PCDHGA10: variants seen among roughly 807,000 people sequenced by gnomAD.
The protein encoded by PCDHGA10 is protocadherin gamma subfamily A, 10, also known as protocadherin gamma-A10.
Under a neutral mutation model 59.5 loss-of-function variants are expected in PCDHGA10, and 42 were observed. That is an observed-to-expected ratio of 0.71 (90% CI 0.55 to 0.91). The LOEUF (loss-of-function observed/expected upper bound fraction) is 0.91, where lower values mean the gene tolerates loss of function less well. PCDHGA10 is among the 40% of genes least tolerant of loss of function. The pLI is 0.00. For synonymous variants in PCDHGA10, 511 were observed against 517.2 expected (o/e 0.99, Z 0.16); for missense variants, 1,111 against 1,198.2 (o/e 0.93, Z 1.07).
intron 1 of PCDHGA10, among the ~76,000 whole-genome samples, chr5:141,460,104 T>C (rs2098982178): frequency 6.6e-6 from 1 of 151,986 alleles, no homozygotes; most frequent in African/African-American, 2.4e-5. Flanking sequence ...CATGTAATTA[T>C]ATATGATTTT....
Position 141,489,992 on chromosome 5 carries a change from TC to T in PCDHGA10, c.2437-4812del. The T allele has an allele frequency of 6.2e-7, 1 of 1,614,216 alleles. No individual in the cohort carries two copies. The highest frequency in any genetic ancestry group is 8.5e-7 in the Non-Finnish European group (1 of 1,180,016). On this transcript the variant is annotated intron_variant, in intron 1 of 3. Coordinates refer to ENST00000398610, the MANE Select transcript of PCDHGA10 (RefSeq NM_018913.3). The surrounding 1 kb of genome is among the most constrained non-coding windows in gnomAD (Gnocchi z 4.5). The stretch of plus-strand genomic sequence containing the variant: ...CAATCCTCAGTTCTACGTGTGGGAA[TC>T]CCAGAGAATGCACCCATTGGTACTC...
At chr5:141,496,021 G>A (rs1011612662) in intron 2 of PCDHGA10, among the ~76,000 whole-genome samples, 1 of 151,336 alleles carries the variant, frequency 6.6e-6, no homozygotes, top group Admixed American at 6.6e-5. Context: ...TTTTCTCTGA[G>A]CCTCTGTCTC....
At position 141,476,744 on chromosome 5, in the gene PCDHGA10, CT is replaced by C; in HGVS notation, c.2437-18062del. ...CCTGGACCGAGAACGGGAGCCTAGT[CT>C]CCAGTTAGTGCTGACGGCGTTGGAC... is the stretch of plus-strand genomic sequence containing the variant. On this transcript the variant is annotated intron_variant, in intron 1 of 3. Coordinates refer to ENST00000398610, the MANE Select transcript of PCDHGA10 (RefSeq NM_018913.3). The surrounding 1 kb of genome is among the most constrained non-coding windows in gnomAD (Gnocchi z 7.6). 6.2e-7 allele frequency: 1 copy of C among 1,614,046 alleles called. No homozygotes were observed. Among genetic ancestry groups the C allele is most frequent in the East Asian group, 2.2e-5 (1 of 44,884 alleles).
In PCDHGA10 at chr5:141,431,627, C is replaced by T. The variant is rs769351473; in HGVS notation, c.2436+16016C>T. 2.5e-6 allele frequency: 4 copies of T among 1,614,076 alleles called. No homozygotes were observed. The South Asian group carries it at 4.4e-5, about 18-fold the overall frequency. On this transcript the variant is annotated intron_variant, in intron 1 of 3. Coordinates refer to ENST00000398610, the MANE Select transcript of PCDHGA10 (RefSeq NM_018913.3). The surrounding 1 kb of genome is among the most constrained non-coding windows in gnomAD (Gnocchi z 4.8). Reference sequence around the variant, plus strand: ...CCGGTATGTGGACGACAAGGCGGCCCAAGTTTTCAAACTAGATTGTAATTC... The same window carrying T: ...CCGGTATGTGGACGACAAGGCGGCCTAAGTTTTCAAACTAGATTGTAATTC...
chr5:141,483,435 A>G (rs2099581280), intron 1 of PCDHGA10, among the ~76,000 whole-genome samples: 1 of 152,180 alleles, frequency 6.6e-6, no homozygotes, highest in Admixed American at 6.5e-5. Context: ...GGAGCTGACT[A>G]CAATAAAATC....
Position 141,436,164 on chromosome 5 carries a change from A to G in PCDHGA10, c.2436+20553A>G, listed in dbSNP as rs896845015. Among the ~76,000 whole-genome samples, 8 of 152,188 alleles carry G rather than the reference A, an allele frequency of 5.3e-5. No homozygotes were observed. The East Asian group carries it at 1.3e-3, about 26-fold the overall frequency. ...AACTACCAAAATGTTTATCATATGG[A>G]CAGTTCTCATATATAGTCAAATAGA... On this transcript the variant is annotated intron_variant, in intron 1 of 3. Transcript: ENST00000398610.
At chr5:141,500,360 T>C (rs1224064939) in intron 2 of PCDHGA10, among the ~76,000 whole-genome samples, 1 of 151,664 alleles carries the variant, frequency 6.6e-6, no homozygotes, top group Non-Finnish European at 1.5e-5. Context: ...AGGCGCCCAC[T>C]ACCACGCCCG....
intron 1 of PCDHGA10, among the ~76,000 whole-genome samples, chr5:141,460,961 A>G (rs113156768): frequency 0.11 from 16,010 of 144,518 alleles, 1,385 homozygotes; most frequent in African/African-American, 0.24. Context: ...GTATATATAT[A>G]TGTGTGTGTG....
chr5:141,505,494 A>G lies in PCDHGA10; in HGVS notation c.2584+13A>G. ...GCGTCCGCCAGTGGTAAGTGGTGTC[A>G]GTGTGTGTATGGAAGAGTGGGAGAC... is the stretch of plus-strand genomic sequence containing the variant. On this transcript the variant is annotated intron_variant, in intron 3 of 3. Transcript: ENST00000398610. The G allele has an allele frequency of 6.8e-6, 11 of 1,614,198 alleles. No homozygotes were observed. Among genetic ancestry groups the G allele is most frequent in the Non-Finnish European group, 9.3e-6 (11 of 1,180,006 alleles).
At position 141,487,267 on chromosome 5, in the gene PCDHGA10, G is replaced by A; in HGVS notation, c.2437-7540G>A. 3 of 1,614,134 alleles carry A rather than the reference G, an allele frequency of 1.9e-6. No individual in the cohort carries two copies. The highest frequency in any genetic ancestry group is 2.5e-6 in the Non-Finnish European group (3 of 1,180,024). ...CCCTCTACTTGGCTGTGTCCCTAGT[G>A]GCAATTTGCTTTGTCTCCTTTGGCT... is the stretch of plus-strand genomic sequence containing the variant. On this transcript the variant is annotated intron_variant, in intron 1 of 3. Transcript: ENST00000398610. The surrounding 1 kb of genome is among the most constrained non-coding windows in gnomAD (Gnocchi z 5.0).
chr5:141,506,435 G>A (rs1470687416), intron 3 of PCDHGA10, among the ~76,000 whole-genome samples: 7 of 126,234 alleles, frequency 5.5e-5, no homozygotes, highest in African/African-American at 2.0e-4. Context: ...CAACAGTCTC[G>A]CTCTGTCTCA....
At chr5:141,498,826 A>G (rs1186868890) in intron 2 of PCDHGA10, among the ~76,000 whole-genome samples, 1 of 152,006 alleles carries the variant, frequency 6.6e-6, no homozygotes, top group African/African-American at 2.4e-5. Context: ...CCAGCTACTC[A>G]GGAGGCTGAG....
At chr5:141,457,108 T>C (rs186630889) in intron 1 of PCDHGA10, among the ~76,000 whole-genome samples, 40 of 152,338 alleles carry the variant, frequency 2.6e-4, no homozygotes, top group African/African-American at 9.1e-4. Flanking sequence ...TTAAGCAAAA[T>C]ACGACAGCAA....
rs761347005 is a variant in PCDHGA10, at chr5:141,417,873, G to A, written c.2436+2262G>A. On this transcript the variant is annotated intron_variant, in intron 1 of 3. Coordinates refer to ENST00000398610, the MANE Select transcript of PCDHGA10 (RefSeq NM_018913.3). The stretch of plus-strand genomic sequence containing the variant: ...CCCGAGCGAACGATGGGAGGGAGCT[G>A]CGCGCAGAGGCGCCGGGCCGGCCCG... 4.2e-5 allele frequency: 65 copies of A among 1,555,230 alleles called. 2 individuals are homozygous for A. The Middle Eastern group carries it at 6.4e-3, about 152-fold the overall frequency.
At chr5:141,505,332 A>C in intron 2 of PCDHGA10, 61 bp from the exon 3 acceptor site, 1 of 1,610,872 alleles carries the variant, frequency 6.2e-7, no homozygotes, top group South Asian at 1.1e-5. Flanking sequence ...GGGAGAGGAC[A>C]GGAGGGGCAT....
At chr5:141,448,850 C>A (rs1227646790) in intron 1 of PCDHGA10, among the ~76,000 whole-genome samples, 1 of 152,048 alleles carries the variant, frequency 6.6e-6, no homozygotes, top group Non-Finnish European at 1.5e-5. Context: ...GAGGCTGAGG[C>A]AGGAGAATGG....
intron 1 of PCDHGA10, among the ~76,000 whole-genome samples, chr5:141,466,757 T>G (rs1486124876): frequency 6.6e-6 from 1 of 152,224 alleles, no homozygotes; most frequent in Non-Finnish European, 1.5e-5. Context: ...AGGGGCTCTT[T>G]TCAAACTGTT....
intron 1 of PCDHGA10, among the ~76,000 whole-genome samples, chr5:141,425,918 C>T (rs901485843): frequency 1.1e-4 from 16 of 152,200 alleles, no homozygotes; most frequent in Admixed American, 2.0e-4. Flanking sequence ...ACAGTCACTA[C>T]GAAAACTCAT....
intron 1 of PCDHGA10, among the ~76,000 whole-genome samples, chr5:141,457,444 G>T (rs1253183319): frequency 6.6e-6 from 1 of 152,134 alleles, no homozygotes; most frequent in African/African-American, 2.4e-5. Context: ...AGCTGCAGAA[G>T]ATCACCACTT....
Sources: allele counts gnomAD v4.1 joint callset (sites outside exome capture counted in the v4.1 genomes callset), GRCh38; gene constraint gnomAD v4.1.1; non-coding constraint Gnocchi (gnomAD v3.1); transcripts MANE v1.5; gene names NCBI Gene and HGNC (gene_info 2026-07-23, HGNC 2026-07-21).